Variants in ASTN2 observed in about 807,000 individuals in gnomAD.
The protein encoded by ASTN2 is astrotactin-2.
ASTN2 carries 54 observed loss-of-function variants against 139.8 expected under a neutral mutation model. The observed-to-expected ratio is 0.39, with a 90% CI of 0.31 to 0.48. ASTN2 has a LOEUF of 0.48. ASTN2 is among the 20% of genes least tolerant of loss of function. ASTN2 has a pLI of 0.95. For missense variants in ASTN2, 1,565 were observed against 1,725.1 expected (o/e 0.91, Z 1.64); for synonymous variants, 756 against 719.5 (o/e 1.05, Z -0.81).
intron 11 of ASTN2, among the ~76,000 whole-genome samples, chr9:116,840,889 C>A (rs1407539332): frequency 6.6e-6 from 1 of 151,206 alleles, no homozygotes; most frequent in Non-Finnish European, 1.5e-5. Context: ...TCCTCACTTT[C>A]CAGACTGGGC....
chr9:116,549,586 C>G (rs1050320308), intron 19 of ASTN2, among the ~76,000 whole-genome samples: 3 of 152,184 alleles, frequency 2.0e-5, no homozygotes, highest in Non-Finnish European at 4.4e-5. Context: ...GATAGATGCT[C>G]TTTTGCAAGG....
At chr9:116,467,500 C>T (rs1375272934) in intron 20 of ASTN2, among the ~76,000 whole-genome samples, 4 of 152,148 alleles carry the variant, frequency 2.6e-5, no homozygotes, top group Non-Finnish European at 4.4e-5. Flanking sequence ...CTCTTGACCT[C>T]GTGATCCGCC....
At chr9:116,486,467 A>G (rs1461394466) in intron 20 of ASTN2, among the ~76,000 whole-genome samples, 1 of 152,224 alleles carries the variant, frequency 6.6e-6, no homozygotes, top group Admixed American at 6.5e-5. Flanking sequence ...TGGAAAATAG[A>G]TGAATGTTTG....
chr9:116,762,978 C>T (rs1829712311), intron 13 of ASTN2, among the ~76,000 whole-genome samples: 1 of 152,228 alleles, frequency 6.6e-6, no homozygotes, highest in Admixed American at 6.5e-5. Context: ...GAAATTGGCT[C>T]ATTTTCCCAA....
intron 16 of ASTN2, chr9:116,687,191 G>C (rs811457): frequency 0.033 from 34,707 of 1,037,856 alleles, 603 homozygotes; most frequent in African/African-American, 0.057. Context: ...CACCCCTGCA[G>C]GGCCGCCTTG....
chr9:116,717,224 C>A (rs557994421), intron 16 of ASTN2, among the ~76,000 whole-genome samples: 1 of 152,308 alleles, frequency 6.6e-6, no homozygotes, highest in South Asian at 2.1e-4. Flanking sequence ...GATTATTATT[C>A]TTGGTATGCA....
In ASTN2 at chr9:117,036,418, G is replaced by A. The variant is rs146573839; in HGVS notation, c.1423+3401C>T. 2.2e-3 allele frequency among the ~76,000 whole-genome samples: 342 copies of A among 152,100 alleles called. 1 individual carries two copies. The highest frequency in any genetic ancestry group is 7.7e-3 in the African/African-American group (318 of 41,486). ...TATTTTCTGGATGCTTGATGCTCTG[G>A]CATCTGAGCCTCCTGACTGGGGAGA... is the stretch of plus-strand genomic sequence containing the variant. On this transcript the variant is annotated intron_variant, in intron 6 of 22. Transcript: ENST00000313400.
intron 2 of ASTN2, among the ~76,000 whole-genome samples, chr9:117,238,568 G>T (rs1426767013): frequency 4.6e-5 from 7 of 152,318 alleles, no homozygotes; most frequent in African/African-American, 7.2e-5. Flanking sequence ...CCTCCACAAA[G>T]CTCTTCTCAG....
rs191557242 is a variant in ASTN2, at chr9:116,904,578, T to A, written c.1890-40845A>T. On this transcript the variant is annotated intron_variant, in intron 10 of 22. Coordinates refer to ENST00000313400, the MANE Select transcript of ASTN2 (RefSeq NM_001365068.1). The stretch of plus-strand genomic sequence containing the variant: ...ATCTGTAAAAGAGGAATAATGAGGT[T>A]ACCCATCTTAGAAGGTTGGAATCAC... 2.1e-4 allele frequency among the ~76,000 whole-genome samples: 32 copies of A among 152,326 alleles called. No individual in the cohort carries two copies. The East Asian group carries it at 4.8e-3, about 23-fold the overall frequency.
chr9:117,154,683 CA>C (rs1208364482), intron 3 of ASTN2, among the ~76,000 whole-genome samples: 2 of 151,940 alleles, frequency 1.3e-5, no homozygotes, highest in Non-Finnish European at 2.9e-5. Flanking sequence ...TGAGATAAAA[CA>C]AATGGTTAAA....
chr9:116,812,787 AGT>A (rs924176313), intron 12 of ASTN2, among the ~76,000 whole-genome samples: 14 of 152,044 alleles, frequency 9.2e-5, no homozygotes, highest in African/African-American at 3.4e-4. Flanking sequence ...TGTGAATGTG[AGT>A]GTGTGTGTAC....
At chr9:116,529,268 A>G (rs1227082411) in intron 19 of ASTN2, among the ~76,000 whole-genome samples, 1 of 152,152 alleles carries the variant, frequency 6.6e-6, no homozygotes, top group Non-Finnish European at 1.5e-5. Context: ...TGGGTGTGAG[A>G]CATGGAGTCA....
chr9:117,113,671 A>T (rs1292213555), intron 4 of ASTN2, among the ~76,000 whole-genome samples: 3 of 113,202 alleles, frequency 2.7e-5, no homozygotes, highest in African/African-American at 1.3e-4. Context: ...AACAAAACAA[A>T]ACAAAACAAA....
intron 14 of ASTN2, 74 bp from the exon 15 acceptor site, chr9:116,729,170 T>G (rs1342919008): frequency 8.4e-7 from 1 of 1,189,020 alleles, no homozygotes; most frequent in African/African-American, 1.5e-5. Flanking sequence ...ACCCTGCAGC[T>G]CTTGGCTCTG....
At chr9:116,751,307 T>C (rs564819122) in intron 13 of ASTN2, among the ~76,000 whole-genome samples, 34 of 152,308 alleles carry the variant, frequency 2.2e-4, no homozygotes, top group African/African-American at 7.5e-4. Flanking sequence ...GCCTGTGTGG[T>C]AGTTACTGTT....
intron 2 of ASTN2, among the ~76,000 whole-genome samples, chr9:117,242,625 C>T (rs1053306984): frequency 6.6e-6 from 1 of 152,220 alleles, no homozygotes; most frequent in African/African-American, 2.4e-5. Flanking sequence ...GAGGGTTTAG[C>T]CACTGCTACC....
chr9:117,350,875 A>C (rs1411406889), intron 1 of ASTN2, among the ~76,000 whole-genome samples: 1 of 152,236 alleles, frequency 6.6e-6, no homozygotes, highest in African/African-American at 2.4e-5. Flanking sequence ...AGTTATGTTC[A>C]GTACTCAAGT....
intron 19 of ASTN2, among the ~76,000 whole-genome samples, chr9:116,574,123 G>A (rs1426398040): frequency 6.6e-6 from 1 of 152,148 alleles, no homozygotes; most frequent in African/African-American, 2.4e-5. Context: ...TAAATATGAA[G>A]TAGCTGGTAG....
rs1830897062 is a variant in ASTN2, at chr9:116,802,769, A to G, written c.2396+2863T>C. Among the ~76,000 whole-genome samples, 2 of 152,216 alleles carry G rather than the reference A, an allele frequency of 1.3e-5. 1 individual carries two copies. Among genetic ancestry groups the G allele is most frequent in the Admixed American group, 1.3e-4 (2 of 15,282 alleles). On this transcript the variant is annotated intron_variant, in intron 13 of 22. Coordinates refer to ENST00000313400, the MANE Select transcript of ASTN2 (RefSeq NM_001365068.1). ...ATGAAGCAGTAGAATTATGCTTCTCATGGGTGGGGCTGGGATTTGAAGGCA... is the reference window on the plus strand; with the variant it reads ...ATGAAGCAGTAGAATTATGCTTCTCGTGGGTGGGGCTGGGATTTGAAGGCA...
Sources: allele counts gnomAD v4.1 joint callset (sites outside exome capture counted in the v4.1 genomes callset), GRCh38; gene constraint gnomAD v4.1.1; transcripts MANE v1.5; gene names NCBI Gene and HGNC (gene_info 2026-07-23, HGNC 2026-07-21).